SLIT1: variants seen among roughly 807,000 people sequenced by gnomAD.
SLIT1 encodes the protein slit homolog 1 protein.
In SLIT1, 66 loss-of-function variants were observed where a neutral mutation model predicts 186.1. The ratio of observed to expected loss-of-function variants is 0.35; its 90% CI spans 0.29 to 0.44. The LOEUF (loss-of-function observed/expected upper bound fraction) is 0.44. Ranked by LOEUF, SLIT1 falls within the 20% of genes least tolerant of loss-of-function variation. The pLI is 1.00. For synonymous variants in SLIT1, 761 were observed against 833.8 expected, an observed-to-expected ratio of 0.91 and a Z score of 1.50; for missense variants, 1,638 against 2,037.4, an observed-to-expected ratio of 0.80 and a Z score of 3.77.
chr10:97,112,753 G>A (rs1183922139), intron 4 of SLIT1, among the ~76,000 whole-genome samples: 12 of 152,182 alleles, frequency 7.9e-5, no homozygotes, highest in African/African-American at 2.9e-4. Flanking sequence ...CCAGGCTGGA[G>A]TGCAGTGGCA....
intron 26 of SLIT1, among the ~76,000 whole-genome samples, chr10:97,020,869 G>T (rs7083457): frequency 0.097 from 14,777 of 152,274 alleles, 1,192 homozygotes; most frequent in African/African-American, 0.22. Flanking sequence ...CGGGAGAGTG[G>T]CTGCTGGGAC....
Position 97,004,451 on chromosome 10 carries a change from C to CCCCCT in SLIT1, c.3711-234_3711-230dup, listed in dbSNP as rs1848341238. Among the ~76,000 whole-genome samples the CCCCCT allele has an allele frequency of 6.6e-6, 1 of 152,128 alleles. No individual in the cohort carries two copies. Among genetic ancestry groups the CCCCCT allele is most frequent in the East Asian group, 1.9e-4 (1 of 5,194 alleles). On this transcript the variant is annotated intron_variant, in intron 33 of 36. Transcript: ENST00000266058. The surrounding 1 kb of genome is among the most constrained non-coding windows in gnomAD (Gnocchi z 5.1). ...GCAGGGGTCTCAAACTTACAAGTCTCCCCCTCCCCATTAAGGAGCCTCCTC... is the reference window on the plus strand; with the variant it reads ...GCAGGGGTCTCAAACTTACAAGTCTCCCCCTCCCCTCCCCATTAAGGAGCCTCCTC...
chr10:97,015,129 C>T (rs1164039394), intron 28 of SLIT1, among the ~76,000 whole-genome samples: 2 of 152,154 alleles, frequency 1.3e-5, no homozygotes, highest in African/African-American at 2.4e-5. Context: ...AATATCTGCA[C>T]GAGCTCTTCC....
intron 1 of SLIT1, among the ~76,000 whole-genome samples, chr10:97,180,853 C>G (rs1850327474): frequency 6.6e-6 from 1 of 152,248 alleles, no homozygotes; most frequent in Non-Finnish European, 1.5e-5. Flanking sequence ...ACCCTCGAGC[C>G]TCTAGCTTGA....
rs918864988 is a variant in SLIT1 at position 97,002,224 on chromosome 10, C to T, written c.4300G>A (p.Ala1434Thr). Residue 1434 changes from alanine (A) to threonine (T), a missense_variant, in exon 36 of 37, where the codon GCC (alanine) becomes ACC (threonine). Physicochemically the swap from Ala to Thr is moderately conservative, Grantham distance 58. Transcript: ENST00000266058. ...CAGTGTGCCCCCTTGGTGCCTGAGG[C>T]CTGGCAGTGGCCATGCAGGCACTGC... ...GLQCLHGHCQASGTKGAHCVC... is the reference protein window; with the variant it reads ...GLQCLHGHCQTSGTKGAHCVC... 5 of 1,588,330 alleles carry T rather than the reference C, an allele frequency of 3.1e-6. No homozygotes were observed. Among genetic ancestry groups the T allele is most frequent in the Non-Finnish European group, 3.4e-6 (4 of 1,165,316 alleles).
At chr10:97,067,164 G>A (rs922335495) in intron 4 of SLIT1, among the ~76,000 whole-genome samples, 3 of 152,078 alleles carry the variant, frequency 2.0e-5, no homozygotes, top group African/African-American at 4.8e-5. Context: ...TCAGGAGCAC[G>A]CAAGGGGCTG....
At chr10:97,122,193 A>G (rs1208567523) in intron 4 of SLIT1, among the ~76,000 whole-genome samples, 1 of 152,248 alleles carries the variant, frequency 6.6e-6, no homozygotes, top group African/African-American at 2.4e-5. Context: ...GGGGTCTCCC[A>G]TGTCTTGAGA....
rs2805588 is a variant in SLIT1, at chr10:97,049,109, C to G, written c.1311G>C (p.Ala437=). The G allele has an allele frequency of 0.99, 1,601,306 of 1,613,258 alleles. 795,272 individuals carry two copies. The highest frequency in any genetic ancestry group is 1 in the East Asian group (44,878 of 44,878). Residue 437 remains alanine (A), a synonymous_variant, in exon 14 of 37, where the codon GCG becomes GCC. Transcript: ENST00000266058. ...TACAGTCGCAAATGAAAGGGTTCTGCGCCAGGTGCCTGTCCAAAGCAGGCA... is the reference window on the plus strand; with the variant it reads ...TACAGTCGCAAATGAAAGGGTTCTGGGCCAGGTGCCTGTCCAAAGCAGGCA... ...SLRAIQTLHL[A]QNPFICDCNL...
chr10:97,104,642 C>G (rs1432653968), intron 4 of SLIT1, among the ~76,000 whole-genome samples: 4 of 152,088 alleles, frequency 2.6e-5, no homozygotes, highest in African/African-American at 9.7e-5. Flanking sequence ...ATCCACACCT[C>G]CAGCCCCCAC....
At chr10:97,017,240 G>A (rs1356291692) in intron 28 of SLIT1, among the ~76,000 whole-genome samples, 1 of 152,222 alleles carries the variant, frequency 6.6e-6, no homozygotes, top group Admixed American at 6.5e-5. Context: ...AGGAGGCTGG[G>A]TGCAGAGTGT....
At position 97,060,629 on chromosome 10, in the gene SLIT1, C is replaced by A. The variant is rs763326689; in HGVS notation, c.941+11G>T. 1.2e-6 allele frequency: 2 copies of A among 1,612,288 alleles called. No individual in the cohort carries two copies. The highest frequency in any genetic ancestry group is 2.7e-5 in the African/African-American group (2 of 74,908). On this transcript the variant is annotated intron_variant, in intron 9 of 36. Transcript: ENST00000266058. ...GGCTGTGCCCCAGCATCTGCCCTGC[C>A]CCGTACTCACATCTCCGTCATGGTC...
At chr10:97,113,353 C>T (rs1849481643) in intron 4 of SLIT1, among the ~76,000 whole-genome samples, 1 of 151,686 alleles carries the variant, frequency 6.6e-6, no homozygotes, top group African/African-American at 2.4e-5. Context: ...ACTGTCCTGC[C>T]TCAGCCTCCC....
Position 97,037,639 on chromosome 10 carries a change from G to A in SLIT1, c.2366+59C>T, listed in dbSNP as rs540339197. ...GTCCGTAGGAAATTCCAGGAAAGCC[G>A]GAGTCCTGATGGTTAGATGCCAAAG... On this transcript the variant is annotated intron_variant, in intron 22 of 36. Coordinates refer to ENST00000266058, the MANE Select transcript of SLIT1 (RefSeq NM_003061.3). 34 of 1,331,388 alleles carry A rather than the reference G, an allele frequency of 2.6e-5. No individual in the cohort carries two copies. The African/African-American group carries it at 3.2e-4, about 12-fold the overall frequency. The allele number at this position is 1,331,388 out of a possible 1,614,324, so 82.5% of individuals were successfully genotyped here. A position where few individuals can be genotyped will look rare whatever the true frequency, so the allele number is the denominator to read the frequency against.
chr10:97,095,842 T>G (rs1167425641), intron 4 of SLIT1, among the ~76,000 whole-genome samples: 1 of 152,196 alleles, frequency 6.6e-6, no homozygotes, highest in African/African-American at 2.4e-5. Flanking sequence ...ACAGACGCTA[T>G]CATCTCTAAA....
At chr10:97,173,540 C>A (rs555213823) in intron 1 of SLIT1, among the ~76,000 whole-genome samples, 1 of 148,252 alleles carries the variant, frequency 6.7e-6, no homozygotes. Flanking sequence ...ACTCTGTTGC[C>A]CAGGCTAGAG....
At chr10:97,031,797 G>A in intron 23 of SLIT1, 120 bp from the exon 24 acceptor site, 1 of 745,916 alleles carries the variant, frequency 1.3e-6, no homozygotes, top group South Asian at 1.8e-5. Flanking sequence ...TCTGTGAGGG[G>A]AGGCAGAGCA....
chr10:97,021,357 C>T lies in SLIT1; in HGVS notation c.2639G>A (p.Trp880Ter). 2 of 1,614,162 alleles carry T rather than the reference C, an allele frequency of 1.2e-6. No individual in the cohort carries two copies. Among genetic ancestry groups the T allele is most frequent in the Non-Finnish European group, 1.7e-6 (2 of 1,180,032 alleles). ...CGGTTCCTTGTAGCCAGTCTTCACCCAGCTGGACAGCCAGCGGAGGTGGCA... is the reference window on the plus strand; with the variant it reads ...CGGTTCCTTGTAGCCAGTCTTCACCTAGCTGGACAGCCAGCGGAGGTGGCA... The part of the protein sequence containing the change: ...CDCHLRWLSS[W>*]VKTGYKEPGI... Residue 880 changes from tryptophan to a stop codon, truncating the protein, a stop_gained, in exon 26 of 37, where the codon TGG (tryptophan) becomes TAG (stop). Transcript: ENST00000266058. LOFTEE classifies it high-confidence loss of function. The surrounding 1 kb of genome is among the most constrained non-coding windows in gnomAD (Gnocchi z 4.5).
At position 97,164,965 on chromosome 10, in the gene SLIT1, G is replaced by A. The variant is rs373669897; in HGVS notation, c.198-75C>T. ...CCAGGCCAGGGGCCCTGCTCCAGGT[G>A]CCCTCCCCGCCTGGATCAGCCAGTC... On this transcript the variant is annotated intron_variant, in intron 1 of 36. Coordinates refer to ENST00000266058, the MANE Select transcript of SLIT1 (RefSeq NM_003061.3). 3.6e-6 allele frequency: 4 copies of A among 1,101,778 alleles called. No individual in the cohort carries two copies. The East Asian group carries it at 7.1e-5, about 20-fold the overall frequency. The allele number at this position is 1,101,778 out of a possible 1,614,324, so 68.3% of individuals were successfully genotyped here.
chr10:97,131,008 G>T (rs1849648726), intron 4 of SLIT1, among the ~76,000 whole-genome samples: 1 of 152,176 alleles, frequency 6.6e-6, no homozygotes, highest in Admixed American at 6.5e-5. Flanking sequence ...CTCAATCTTG[G>T]TCATGAAACT....
Sources: allele counts gnomAD v4.1 joint callset (sites outside exome capture counted in the v4.1 genomes callset), GRCh38; gene constraint gnomAD v4.1.1; non-coding constraint Gnocchi (gnomAD v3.1); transcripts MANE v1.5; gene names NCBI Gene and HGNC (gene_info 2026-07-23, HGNC 2026-07-21).